TNRC6A: variants seen among roughly 807,000 people sequenced by gnomAD.
The protein encoded by TNRC6A is trinucleotide repeat-containing gene 6A protein.
A neutral mutation model predicts 221.2 loss-of-function variants in TNRC6A; 44 were observed. The ratio of observed to expected loss-of-function variants is 0.20; its 90% CI spans 0.16 to 0.26. The LOEUF is 0.26. Ranked by LOEUF, TNRC6A falls within the 10% of genes least tolerant of loss-of-function variation. The probability of loss-of-function intolerance (pLI) is 1.00; values close to 1 mark genes in which losing one functional copy is unlikely to be tolerated. For synonymous variants in TNRC6A, 847 were observed against 838.5 expected, an observed-to-expected ratio of 1.01 and a Z score of -0.18; for missense variants, 2,199 against 2,404.4, an observed-to-expected ratio of 0.91 and a Z score of 1.79.
At chr16:24,769,484 A>G (rs1304319498) in intron 4 of TNRC6A, among the ~76,000 whole-genome samples, 5 of 151,692 alleles carry the variant, frequency 3.3e-5, no homozygotes, top group Admixed American at 6.6e-5. Context: ...AAAAAAAAAA[A>G]ACCCTAAAAA....
At chr16:24,763,104 T>C (rs1596643111) in intron 4 of TNRC6A, among the ~76,000 whole-genome samples, 1 of 152,270 alleles carries the variant, frequency 6.6e-6, no homozygotes, top group East Asian at 1.9e-4. Context: ...TTGATGAAAA[T>C]GAACAAGAGT....
Position 24,758,364 on chromosome 16 carries a change from C to T in TNRC6A, c.163+4C>T, listed in dbSNP as rs368535130. 33 of 1,609,226 alleles carry T rather than the reference C, an allele frequency of 2.1e-5. No homozygotes were observed. Among genetic ancestry groups the T allele is most frequent in the East Asian group, 1.6e-4 (7 of 44,802 alleles). The stretch of plus-strand genomic sequence containing the variant: ...GCCACTGAACAAAAAATCAAAGGTA[C>T]GTTGTTTAAAGCTATTTTTTATCCC... On this transcript the variant is annotated splice_donor_region_variant and intron_variant, in intron 4 of 24. Coordinates refer to ENST00000395799, the MANE Select transcript of TNRC6A (RefSeq NM_014494.4).
At chr16:24,761,550 T>C (rs1452357948) in intron 4 of TNRC6A, among the ~76,000 whole-genome samples, 1 of 152,082 alleles carries the variant, frequency 6.6e-6, no homozygotes, top group Non-Finnish European at 1.5e-5. Flanking sequence ...ACTCTGGCAT[T>C]GACTTTTTTT....
chr16:24,777,065 A>C lies in TNRC6A; in HGVS notation c.296A>C (p.Gln99Pro), dbSNP rs746197806. The C allele has an allele frequency of 1.2e-5, 19 of 1,607,522 alleles. No homozygotes were observed. The South Asian group carries it at 2.0e-4, about 17-fold the overall frequency. The change falls in exon 5 of 25, where the codon CAG (glutamine) becomes CCG (proline). Residue 99 changes from glutamine (Q) to proline (P), a missense_variant. Transcript: ENST00000395799. ...AACAATCAGCAGCCACAGCAGCAGC[A>C]GCAACAGCAGCAGCCGCAGCAGCAG... ...TANNQQPQQQ[Q>P]QQQQPQQQQP... is the part of the protein sequence containing the mutation.
At chr16:24,806,449 A>G in intron 16 of TNRC6A, 125 bp from the exon 17 acceptor site, 13 of 1,367,158 alleles carry the variant, frequency 9.5e-6, no homozygotes, top group Admixed American at 2.0e-5. Flanking sequence ...TTATGTGAAC[A>G]TTATACAGTG....
intron 1 of TNRC6A, among the ~76,000 whole-genome samples, chr16:24,621,325 T>A (rs1900662211): frequency 6.7e-6 from 1 of 149,078 alleles, no homozygotes; most frequent in African/African-American, 2.5e-5. Flanking sequence ...ATAGTCAAAA[T>A]TCAGTTACTA....
chr16:24,750,633 A>G, intron 2 of TNRC6A, 93 bp from the exon 3 acceptor site: 1 of 1,353,062 alleles, frequency 7.4e-7, no homozygotes, highest in Non-Finnish European at 9.7e-7. Context: ...ATGTCTTCTA[A>G]TAAGAGTGAA....
At chr16:24,804,397 A>G in intron 12 of TNRC6A, 78 bp downstream of exon 12, 1 of 1,483,632 alleles carries the variant, frequency 6.7e-7, no homozygotes, top group Non-Finnish European at 9.1e-7. Context: ...ATATTTTAAA[A>G]CCTTTTATAT....
chr16:24,719,216 C>G (rs1324520726), intron 2 of TNRC6A, among the ~76,000 whole-genome samples: 3 of 151,918 alleles, frequency 2.0e-5, no homozygotes, highest in Non-Finnish European at 2.9e-5. Context: ...ACAAAAAAAT[C>G]AGGAGTACCA....
chr16:24,703,965 T>C (rs1049692624), intron 2 of TNRC6A, among the ~76,000 whole-genome samples: 2 of 150,932 alleles, frequency 1.3e-5, no homozygotes, highest in Non-Finnish European at 3.0e-5. Flanking sequence ...GTACTTGTAG[T>C]CCCAGCTACT....
intron 5 of TNRC6A, among the ~76,000 whole-genome samples, chr16:24,778,676 T>C (rs1298557308): frequency 6.6e-6 from 1 of 152,198 alleles, no homozygotes; most frequent in African/African-American, 2.4e-5. Context: ...TGACATGTTA[T>C]TAAAGGAACT....
At chr16:24,735,288 A>T (rs539203028) in intron 2 of TNRC6A, among the ~76,000 whole-genome samples, 4 of 152,240 alleles carry the variant, frequency 2.6e-5, no homozygotes, top group Non-Finnish European at 5.9e-5. Context: ...CGAAAGAAAG[A>T]AAAGAAATGA....
chr16:24,820,321 G>A lies in TNRC6A; in HGVS notation c.5263G>A (p.Gly1755Ser), dbSNP rs751375360. Residue 1755 changes from glycine to serine, a missense_variant, in exon 22 of 25, where the codon GGT (glycine) becomes AGT (serine). By Grantham distance (56) the Gly-to-Ser change is moderately conservative. Transcript: ENST00000395799. ...GTGGGATAATTCTCCCCTTCGTATA[G>A]GTGGAGGATGGGGAAATTCTGACGC... Reference protein sequence around the residue: ...STWDNSPLRIGGGWGNSDARY... With the variant: ...STWDNSPLRISGGWGNSDARY... The A allele has an allele frequency of 8.1e-6, 13 of 1,614,064 alleles. No homozygotes were observed. In the African/African-American group the frequency reaches 1.3e-4, roughly 17 times the overall value.
intron 1 of TNRC6A, among the ~76,000 whole-genome samples, chr16:24,634,467 G>T (rs948673650): frequency 6.6e-6 from 1 of 152,062 alleles, no homozygotes; most frequent in African/African-American, 2.4e-5. Flanking sequence ...GAATATACCA[G>T]ATTCTCTTAA....
At chr16:24,717,763 T>C (rs918964418) in intron 2 of TNRC6A, among the ~76,000 whole-genome samples, 8 of 133,476 alleles carry the variant, frequency 6.0e-5, no homozygotes, top group Non-Finnish European at 1.1e-4. Flanking sequence ...TTCATCTTTT[T>C]TTTTTTCTTT....
At chr16:24,704,449 C>T (rs565691362) in intron 2 of TNRC6A, among the ~76,000 whole-genome samples, 9 of 151,908 alleles carry the variant, frequency 5.9e-5, no homozygotes, top group Admixed American at 1.3e-4. Context: ...GAGGCCAAGG[C>T]GGGCAGATCA....
intron 1 of TNRC6A, among the ~76,000 whole-genome samples, chr16:24,622,090 C>T (rs1003291429): frequency 2.2e-4 from 33 of 150,890 alleles, no homozygotes; most frequent in African/African-American, 6.5e-4. Flanking sequence ...ACCTGTCTGG[C>T]CAACCAGTGT....
At chr16:24,765,350 G>A (rs111755512) in intron 4 of TNRC6A, among the ~76,000 whole-genome samples, 4 of 152,224 alleles carry the variant, frequency 2.6e-5, no homozygotes, top group Non-Finnish European at 5.9e-5. Flanking sequence ...AACAGAAAAG[G>A]CCACTCACAG....
chr16:24,760,814 C>T (rs1031720715), intron 4 of TNRC6A, among the ~76,000 whole-genome samples: 3 of 152,090 alleles, frequency 2.0e-5, no homozygotes, highest in African/African-American at 4.8e-5. Flanking sequence ...CATTCAGTTT[C>T]CCCGATTATT....
Sources: gnomAD v4.1 joint callset for allele counts (sites outside exome capture counted in the v4.1 genomes callset) on GRCh38, gnomAD v4.1.1 for gene constraint, MANE v1.5 for transcripts, NCBI Gene and HGNC (gene_info 2026-07-23, HGNC 2026-07-21) for gene names.